Variants in EXOC4 observed in about 807,000 individuals in gnomAD.
EXOC4 encodes SEC8-like 1.
A neutral mutation model predicts 107.2 loss-of-function variants in EXOC4; 71 were observed. The observed-to-expected ratio is 0.66, with a 90% CI of 0.55 to 0.81. EXOC4 has a LOEUF of 0.81. EXOC4 is among the 30% of genes least tolerant of loss of function. EXOC4 has a pLI of 0.00. For missense variants in EXOC4, 1,108 were observed against 1,189.6 expected, an observed-to-expected ratio of 0.93 and a Z score of 1.01; for synonymous variants, 456 against 441.2, an observed-to-expected ratio of 1.03 and a Z score of -0.42.
chr7:133,495,984 TG>T (rs1274626440), intron 9 of EXOC4, among the ~76,000 whole-genome samples: 1 of 152,170 alleles, frequency 6.6e-6, no homozygotes, highest in African/African-American at 2.4e-5. Flanking sequence ...ACCATTCTCT[TG>T]AGTGTGTAGT....
intron 12 of EXOC4, among the ~76,000 whole-genome samples, chr7:133,908,972 C>T (rs550346345): frequency 1.3e-5 from 2 of 152,090 alleles, no homozygotes; most frequent in Admixed American, 6.6e-5. Flanking sequence ...TTTCTCCTAA[C>T]GCTCTCCCTC....
At chr7:133,486,553 T>G (rs1376043021) in intron 9 of EXOC4, among the ~76,000 whole-genome samples, 2 of 152,166 alleles carry the variant, frequency 1.3e-5, no homozygotes, top group African/African-American at 4.8e-5. Flanking sequence ...GATTAGAAAA[T>G]TCTTTGTTGC....
intron 9 of EXOC4, among the ~76,000 whole-genome samples, chr7:133,555,589 C>T (rs910816922): frequency 3.3e-5 from 5 of 152,098 alleles, no homozygotes; most frequent in African/African-American, 1.2e-4. Context: ...GCTATTTTGG[C>T]ATCTACAAAA....
At chr7:133,541,399 C>CGATGCAT (rs1554469773) in intron 9 of EXOC4, among the ~76,000 whole-genome samples, 2 of 152,168 alleles carry the variant, frequency 1.3e-5, no homozygotes, top group Non-Finnish European at 2.9e-5. Flanking sequence ...TTGGGAATAA[C>CGATGCAT]GATGCATGAT....
intron 17 of EXOC4, among the ~76,000 whole-genome samples, chr7:134,054,328 C>T (rs940373657): frequency 5.3e-5 from 8 of 152,156 alleles, no homozygotes; most frequent in African/African-American, 1.9e-4. Context: ...TGACCATTCA[C>T]CCACCTGTTC....
chr7:133,924,229 T>C (rs531947732), intron 13 of EXOC4, among the ~76,000 whole-genome samples: 1 of 152,308 alleles, frequency 6.6e-6, no homozygotes, highest in African/African-American at 2.4e-5. Context: ...CCTTAATAGT[T>C]GCGCTACAAG....
intron 11 of EXOC4, among the ~76,000 whole-genome samples, chr7:133,839,076 AAATTTTAAGTC>A (rs1797974013): frequency 6.6e-6 from 1 of 152,240 alleles, no homozygotes; most frequent in African/African-American, 2.4e-5. Flanking sequence ...TATGCAAGAA[AAATTTTAAGTC>A]AATTAACAAG....
At chr7:133,671,261 C>A (rs1378525869) in intron 10 of EXOC4, among the ~76,000 whole-genome samples, 1 of 152,078 alleles carries the variant, frequency 6.6e-6, no homozygotes, top group East Asian at 1.9e-4. Flanking sequence ...TCTGCTTTCA[C>A]CTTTTTAAAG....
intron 10 of EXOC4, among the ~76,000 whole-genome samples, chr7:133,666,206 T>G (rs1463525217): frequency 6.6e-6 from 1 of 152,188 alleles, no homozygotes; most frequent in Non-Finnish European, 1.5e-5. Flanking sequence ...AAATTCCATT[T>G]TCTCCATCCT....
At chr7:133,870,820 G>A (rs1392161400) in intron 11 of EXOC4, among the ~76,000 whole-genome samples, 1 of 152,080 alleles carries the variant, frequency 6.6e-6, no homozygotes, top group Non-Finnish European at 1.5e-5. Flanking sequence ...AGTTAGAGTG[G>A]GTATTCGGTT....
intron 7 of EXOC4, among the ~76,000 whole-genome samples, chr7:133,463,264 G>A (rs1385262594): frequency 4.6e-5 from 7 of 152,140 alleles, no homozygotes; most frequent in African/African-American, 1.7e-4. Context: ...GTGATCAGAA[G>A]AATGATGACA....
In EXOC4 at chr7:133,434,930, A is replaced by G. The variant is rs146414186; in HGVS notation, c.1183-40398A>G. Among the ~76,000 whole-genome samples the G allele has an allele frequency of 4.3e-3, 661 of 152,336 alleles. 5 individuals are homozygous for G. The highest frequency in any genetic ancestry group is 0.015 in the African/African-American group (632 of 41,580). On this transcript the variant is annotated intron_variant, in intron 7 of 17. Coordinates refer to ENST00000253861, the MANE Select transcript of EXOC4 (RefSeq NM_021807.4). Reference sequence around the variant, plus strand: ...CTATTGTGTGATATTCTCTTTAAAAAGAAGACTGGTGATGCCTAATTTATT... The same window carrying G: ...CTATTGTGTGATATTCTCTTTAAAAGGAAGACTGGTGATGCCTAATTTATT...
intron 10 of EXOC4, among the ~76,000 whole-genome samples, chr7:133,660,244 T>G (rs1018044545): frequency 1.3e-5 from 2 of 152,126 alleles, no homozygotes; most frequent in Admixed American, 1.3e-4. Flanking sequence ...TGAGACTGAT[T>G]TAGTGTGGCT....
intron 9 of EXOC4, among the ~76,000 whole-genome samples, chr7:133,617,610 C>T (rs973722114): frequency 2.0e-5 from 3 of 152,088 alleles, no homozygotes; most frequent in African/African-American, 7.2e-5. Flanking sequence ...AGGACCTGTG[C>T]AACCTGGGGA....
chr7:133,948,656 A>G (rs1329701311), intron 14 of EXOC4, among the ~76,000 whole-genome samples: 1 of 152,188 alleles, frequency 6.6e-6, no homozygotes, highest in Non-Finnish European at 1.5e-5. Flanking sequence ...TTCAGATTAC[A>G]TTTCAGACTT....
chr7:133,761,028 A>G (rs1390572894), intron 10 of EXOC4, among the ~76,000 whole-genome samples: 2 of 152,274 alleles, frequency 1.3e-5, no homozygotes, highest in Middle Eastern at 3.4e-3. Flanking sequence ...CAAAATTATC[A>G]TGTGTTCAGC....
intron 9 of EXOC4, among the ~76,000 whole-genome samples, chr7:133,546,995 G>A (rs1008749643): frequency 2.6e-5 from 4 of 152,144 alleles, no homozygotes; most frequent in Non-Finnish European, 5.9e-5. Flanking sequence ...TTCCTTATTT[G>A]ACACTAGACA....
intron 10 of EXOC4, among the ~76,000 whole-genome samples, chr7:133,668,069 C>T (rs1793857688): frequency 2.6e-5 from 4 of 152,154 alleles, no homozygotes. Flanking sequence ...CCTTCATGCT[C>T]TACAGACAAA....
At chr7:133,368,693 A>T (rs1796299012) in intron 6 of EXOC4, among the ~76,000 whole-genome samples, 1 of 152,150 alleles carries the variant, frequency 6.6e-6, no homozygotes. Context: ...TTTATACCAC[A>T]TTGCCATCTA....
Sources: allele counts gnomAD v4.1 joint callset (sites outside exome capture counted in the v4.1 genomes callset), GRCh38; gene constraint gnomAD v4.1.1; transcripts MANE v1.5; gene names NCBI Gene and HGNC (gene_info 2026-07-23, HGNC 2026-07-21).